Variants in LRRC4C observed in about 807,000 individuals in gnomAD.
LRRC4C encodes the protein leucine rich repeat containing 4C.
LRRC4C carries 5 observed loss-of-function variants against 33.6 expected under a neutral mutation model. The observed-to-expected ratio is 0.15, with a 90% confidence interval of 0.08 to 0.31. The LOEUF is 0.31. Among genes scored for constraint, LRRC4C ranks in the 10% least tolerant of loss-of-function variants. The pLI is 1.00. For synonymous variants in LRRC4C, 329 were observed against 302.0 expected, an observed-to-expected ratio of 1.09 and a Z score of -0.93; for missense variants, 560 against 796.7, an observed-to-expected ratio of 0.70 and a Z score of 3.58.
chr11:40,904,874 C>T (rs562904687), intron 2 of LRRC4C, among the ~76,000 whole-genome samples: 13 of 152,256 alleles, frequency 8.5e-5, no homozygotes, highest in African/African-American at 2.9e-4. Flanking sequence ...CTACCTGTAT[C>T]GGACTTAAAA....
chr11:40,662,196 T>TA lies in LRRC4C; in HGVS notation c.-406-13919dup, dbSNP rs566458715. The stretch of plus-strand genomic sequence containing the variant: ...CTCAAAATTAGAATTCTCAGATTCC[T>TA]AGAAGTGTTTTTACTGAAATGAAAT... On this transcript the variant is annotated intron_variant, in intron 2 of 6. Coordinates refer to ENST00000528697, the MANE Select transcript of LRRC4C (RefSeq NM_001258419.2). Among the ~76,000 whole-genome samples the TA allele has an allele frequency of 5.9e-5, 9 of 152,320 alleles. 1 individual carries two copies. In the South Asian group the frequency reaches 1.9e-3, roughly 32 times the overall value.
intron 1 of LRRC4C, among the ~76,000 whole-genome samples, chr11:41,070,847 T>C (rs1938622909): frequency 6.6e-6 from 1 of 151,562 alleles, no homozygotes; most frequent in Non-Finnish European, 1.5e-5. Context: ...CATTGTGGAA[T>C]TCCTCAAGGA....
intron 5 of LRRC4C, among the ~76,000 whole-genome samples, chr11:40,234,057 T>G (rs764682313): frequency 6.6e-6 from 1 of 152,198 alleles, no homozygotes; most frequent in Admixed American, 6.5e-5. Context: ...CCCAAGGTCA[T>G]ACAGTTAACA....
At chr11:41,172,486 C>G (rs1945018831) in intron 1 of LRRC4C, among the ~76,000 whole-genome samples, 1 of 152,152 alleles carries the variant, frequency 6.6e-6, no homozygotes, top group Non-Finnish European at 1.5e-5. Flanking sequence ...TCCAAAGAGT[C>G]CTTCCCTGAT....
At chr11:41,432,286 G>A (rs750344291) in intron 1 of LRRC4C, among the ~76,000 whole-genome samples, 2 of 152,104 alleles carry the variant, frequency 1.3e-5, no homozygotes, top group Non-Finnish European at 2.9e-5. Flanking sequence ...TTAGCTTAAC[G>A]TTTTATTTGT....
At chr11:40,596,657 A>G (rs757780555) in intron 3 of LRRC4C, among the ~76,000 whole-genome samples, 48 of 151,676 alleles carry the variant, frequency 3.2e-4, no homozygotes, top group South Asian at 2.7e-3. Flanking sequence ...CTATATTTTC[A>G]TGGGTTCAAT....
At chr11:40,759,656 G>A (rs946662539) in intron 2 of LRRC4C, among the ~76,000 whole-genome samples, 2 of 151,756 alleles carry the variant, frequency 1.3e-5, no homozygotes, top group Admixed American at 1.3e-4. Flanking sequence ...AGAGTGAGAC[G>A]GTCTGGAGTT....
chr11:40,627,738 C>T (rs1963089035), intron 3 of LRRC4C, among the ~76,000 whole-genome samples: 1 of 152,154 alleles, frequency 6.6e-6, no homozygotes, highest in Non-Finnish European at 1.5e-5. Flanking sequence ...TCTACTCTTC[C>T]ATTTGAGCAC....
intron 2 of LRRC4C, among the ~76,000 whole-genome samples, chr11:40,735,831 A>T (rs1182234299): frequency 1.3e-5 from 2 of 150,206 alleles, no homozygotes; most frequent in Non-Finnish European, 3.0e-5. Flanking sequence ...TTGTTTCCTG[A>T]CTTTTTAATG....
chr11:40,752,493 T>TA (rs561709044), intron 2 of LRRC4C, among the ~76,000 whole-genome samples: 4 of 151,740 alleles, frequency 2.6e-5, no homozygotes, highest in African/African-American at 4.8e-5. Context: ...ACAGGTATAT[T>TA]AAAAAAACTT....
intron 5 of LRRC4C, among the ~76,000 whole-genome samples, chr11:40,152,252 G>A (rs953320354): frequency 7.2e-5 from 11 of 152,202 alleles, no homozygotes; most frequent in African/African-American, 2.4e-4. Context: ...TCAAGTTAGA[G>A]AGCCAAGTAA....
intron 3 of LRRC4C, among the ~76,000 whole-genome samples, chr11:40,423,987 A>T (rs1950622400): frequency 6.6e-6 from 1 of 152,182 alleles, no homozygotes; most frequent in Non-Finnish European, 1.5e-5. Flanking sequence ...AAACTCATGT[A>T]TATGTATATG....
chr11:40,650,655 T>C (rs1490650109), intron 2 of LRRC4C, among the ~76,000 whole-genome samples: 1 of 152,164 alleles, frequency 6.6e-6, no homozygotes, highest in African/African-American at 2.4e-5. Flanking sequence ...ATTACACTTG[T>C]TTTGGCCTGA....
intron 1 of LRRC4C, among the ~76,000 whole-genome samples, chr11:41,376,703 G>A (rs1340757438): frequency 6.6e-6 from 1 of 151,984 alleles, no homozygotes; most frequent in Non-Finnish European, 1.5e-5. Context: ...GTGTGTATTT[G>A]TGTATGTATA....
chr11:41,021,301 A>G lies in LRRC4C; in HGVS notation c.-495-87578T>C, dbSNP rs535132008. ...AGAAAATCTCCAAGAAATAAAAAAA[A>G]AAAAGCTGATCCTGGAGATTCTCTT... On this transcript the variant is annotated intron_variant, in intron 1 of 6. Coordinates refer to ENST00000528697, the MANE Select transcript of LRRC4C (RefSeq NM_001258419.2). 3.9e-5 allele frequency among the ~76,000 whole-genome samples: 6 copies of G among 152,034 alleles called. No homozygotes were observed. In the East Asian group the frequency reaches 1.2e-3, roughly 29 times the overall value.
At chr11:40,215,331 C>A (rs541364568) in intron 5 of LRRC4C, among the ~76,000 whole-genome samples, 1 of 152,104 alleles carries the variant, frequency 6.6e-6, no homozygotes, top group Non-Finnish European at 1.5e-5. Context: ...TGCAAAGTTT[C>A]CTGAACGCTG....
chr11:40,908,845 T>A (rs1020244372), intron 2 of LRRC4C, among the ~76,000 whole-genome samples: 2 of 152,212 alleles, frequency 1.3e-5, no homozygotes, highest in African/African-American at 4.8e-5. Flanking sequence ...TCTGACAATT[T>A]ACATGTTAAT....
chr11:41,228,821 G>A (rs1479095909), intron 1 of LRRC4C, among the ~76,000 whole-genome samples: 1 of 152,068 alleles, frequency 6.6e-6, no homozygotes, highest in Admixed American at 6.6e-5. Context: ...ACTAATGCTT[G>A]TTTACACTTA....
intron 1 of LRRC4C, among the ~76,000 whole-genome samples, chr11:41,441,945 A>T (rs1955632926): frequency 6.6e-6 from 1 of 152,206 alleles, no homozygotes; most frequent in South Asian, 2.1e-4. Context: ...GTTTAAAAAA[A>T]TTATAATAAT....
Sources: gnomAD v4.1 joint callset for allele counts (sites outside exome capture counted in the v4.1 genomes callset) on GRCh38, gnomAD v4.1.1 for gene constraint, MANE v1.5 for transcripts, NCBI Gene and HGNC (gene_info 2026-07-23, HGNC 2026-07-21) for gene names.